Variants in KCNIP4 observed in about 807,000 individuals in gnomAD.
KCNIP4 encodes Kv channel-interacting protein 4.
Under a neutral mutation model 34.0 loss-of-function variants are expected in KCNIP4, and 12 were observed. That is an observed-to-expected ratio of 0.35 (90% confidence interval 0.23 to 0.57). The LOEUF is 0.57. Ranked by LOEUF, KCNIP4 falls within the 20% of genes least tolerant of loss-of-function variation. The pLI is 0.83. For synonymous variants in KCNIP4, 124 were observed against 102.2 expected, an observed-to-expected ratio of 1.21 and a Z score of -1.29; for missense variants, 238 against 311.7, an observed-to-expected ratio of 0.76 and a Z score of 1.78.
rs185708796 is a variant in KCNIP4 at position 21,034,331 on chromosome 4, C to T, written c.62-151622G>A. Among the ~76,000 whole-genome samples the T allele has an allele frequency of 1.2e-4, 18 of 152,290 alleles. No individual in the cohort carries two copies. In the East Asian group the frequency reaches 3.1e-3, roughly 26 times the overall value. ...AGATCAGTATTGAAAACAAATCAGC[C>T]TGGAGGGTTTAGCTGTATGGAAGGA... On this transcript the variant is annotated intron_variant, in intron 1 of 8. Transcript: ENST00000382152.
intron 1 of KCNIP4, among the ~76,000 whole-genome samples, chr4:21,088,690 A>C (rs1273249496): frequency 6.6e-6 from 1 of 152,030 alleles, no homozygotes; most frequent in South Asian, 2.1e-4. Context: ...CCTTCTTCCT[A>C]TTAACTCCTC....
chr4:20,965,055 T>A (rs540319421), intron 1 of KCNIP4, among the ~76,000 whole-genome samples: 4 of 152,156 alleles, frequency 2.6e-5, no homozygotes, highest in Non-Finnish European at 4.4e-5. Flanking sequence ...AACATAAGAA[T>A]GTAATTAAGT....
intron 1 of KCNIP4, among the ~76,000 whole-genome samples, chr4:21,722,588 C>T (rs940974141): frequency 3.9e-5 from 6 of 152,188 alleles, no homozygotes; most frequent in South Asian, 2.1e-4. Context: ...TAATTCAACA[C>T]GTCATTTGGG....
chr4:20,893,358 A>T (rs35832627), intron 1 of KCNIP4, among the ~76,000 whole-genome samples: 16,960 of 152,210 alleles, frequency 0.11, 1,054 homozygotes, highest in South Asian at 0.21. Context: ...AACTCATTTG[A>T]ATCTAAGCGC....
intron 1 of KCNIP4, among the ~76,000 whole-genome samples, chr4:21,330,746 C>T (rs1715548637): frequency 2.0e-5 from 3 of 152,198 alleles, no homozygotes; most frequent in African/African-American, 4.8e-5. Context: ...AACTTGCTTA[C>T]TCTTACCTCA....
At chr4:21,135,455 T>C (rs16870436) in intron 1 of KCNIP4, among the ~76,000 whole-genome samples, 2,618 of 152,308 alleles carry the variant, frequency 0.017, 84 homozygotes, top group African/African-American at 0.058. Context: ...CTATCAGATA[T>C]TTCTTCAACC....
intron 3 of KCNIP4, among the ~76,000 whole-genome samples, chr4:20,800,820 A>G (rs899101419): frequency 6.6e-6 from 1 of 152,186 alleles, no homozygotes; most frequent in Admixed American, 6.5e-5. Context: ...TATTTGCATT[A>G]TGAGATTTTC....
At chr4:21,783,559 A>T (rs1377873459) in intron 1 of KCNIP4, among the ~76,000 whole-genome samples, 1 of 152,214 alleles carries the variant, frequency 6.6e-6, no homozygotes, top group Non-Finnish European at 1.5e-5. Context: ...ATTAGTAATA[A>T]GTACATTTAA....
At chr4:21,473,094 C>T (rs56138000) in intron 1 of KCNIP4, among the ~76,000 whole-genome samples, 11,304 of 152,138 alleles carry the variant, frequency 0.074, 520 homozygotes, top group East Asian at 0.15. Flanking sequence ...TGATTGGCAA[C>T]GTTTCGTTAG....
At chr4:21,274,445 C>A (rs1268032732) in intron 1 of KCNIP4, among the ~76,000 whole-genome samples, 4 of 152,110 alleles carry the variant, frequency 2.6e-5, no homozygotes, top group Admixed American at 2.6e-4. Flanking sequence ...ATTTAGAATT[C>A]TTTAAAACCA....
intron 1 of KCNIP4, among the ~76,000 whole-genome samples, chr4:21,922,504 T>C (rs1728991823): frequency 6.6e-6 from 1 of 152,234 alleles, no homozygotes; most frequent in African/African-American, 2.4e-5. Context: ...ATATGCTTCA[T>C]GGTTTTAAGA....
chr4:21,425,089 G>A (rs1041813170), intron 1 of KCNIP4, among the ~76,000 whole-genome samples: 1 of 152,014 alleles, frequency 6.6e-6, no homozygotes, highest in Non-Finnish European at 1.5e-5. Flanking sequence ...ATGAGCACTC[G>A]GGAGAGAGGA....
chr4:21,028,861 T>C (rs990832608), intron 1 of KCNIP4, among the ~76,000 whole-genome samples: 1 of 152,182 alleles, frequency 6.6e-6, no homozygotes, highest in African/African-American at 2.4e-5. Context: ...TGCAAGATCA[T>C]TCCAACCAAT....
In KCNIP4 at chr4:21,658,954, C is replaced by T. The variant is rs144020749; in HGVS notation, c.61+289617G>A. On this transcript the variant is annotated intron_variant, in intron 1 of 8. Transcript: ENST00000382152. The stretch of plus-strand genomic sequence containing the variant: ...GCAATAGAATTTTAAAGTCAGTTTG[C>T]CAATGTATTCTATAGATAAAACTGA... Among the ~76,000 whole-genome samples the T allele has an allele frequency of 3.2e-3, 487 of 152,232 alleles. 5 individuals carry two copies. In the East Asian group the frequency reaches 0.035, roughly 11 times the overall value.
chr4:21,661,615 A>T (rs2108990770), intron 1 of KCNIP4, among the ~76,000 whole-genome samples: 1 of 152,268 alleles, frequency 6.6e-6, no homozygotes, highest in Non-Finnish European at 1.5e-5. Flanking sequence ...CATCTATCTT[A>T]CCTATGAGAA....
At chr4:21,649,730 A>G (rs1443372950) in intron 1 of KCNIP4, among the ~76,000 whole-genome samples, 3 of 152,204 alleles carry the variant, frequency 2.0e-5, no homozygotes, top group Non-Finnish European at 4.4e-5. Flanking sequence ...TTTAACTTGA[A>G]GCCTTGCAAA....
chr4:21,101,214 A>G (rs1747912923), intron 1 of KCNIP4, among the ~76,000 whole-genome samples: 1 of 152,164 alleles, frequency 6.6e-6, no homozygotes, highest in African/African-American at 2.4e-5. Flanking sequence ...AATATGTGGT[A>G]TTTGACTTGC....
intron 1 of KCNIP4, among the ~76,000 whole-genome samples, chr4:21,179,215 C>A (rs1754663615): frequency 6.6e-6 from 1 of 152,184 alleles, no homozygotes; most frequent in Non-Finnish European, 1.5e-5. Flanking sequence ...GGCTTTTGCC[C>A]AACTCATTTG....
intron 1 of KCNIP4, among the ~76,000 whole-genome samples, chr4:21,035,263 C>T (rs921685544): frequency 1.3e-5 from 2 of 152,110 alleles, no homozygotes; most frequent in Non-Finnish European, 2.9e-5. Context: ...GCATCTTTGG[C>T]ATTGCCTGCA....
Sources: gnomAD v4.1 joint callset for allele counts (sites outside exome capture counted in the v4.1 genomes callset) on GRCh38, gnomAD v4.1.1 for gene constraint, MANE v1.5 for transcripts, NCBI Gene and HGNC (gene_info 2026-07-23, HGNC 2026-07-21) for gene names.